The following PRDM2 variants were observed in gnomAD, a reference collection of about 807,000 sequenced individuals.
PRDM2 encodes the protein PR/SET domain 2.
PRDM2 carries 30 observed loss-of-function variants against 130.0 expected under a neutral mutation model. The observed-to-expected ratio is 0.23, with a 90% CI of 0.17 to 0.31. PRDM2 has a LOEUF of 0.31. Among genes scored for constraint, PRDM2 ranks in the 10% least tolerant of loss-of-function variants. The probability of loss-of-function intolerance (pLI) is 1.00; values close to 1 mark genes in which losing one functional copy is unlikely to be tolerated. For missense variants in PRDM2, 2,011 were observed against 2,108.4 expected, an observed-to-expected ratio of 0.95 and a Z score of 0.90; for synonymous variants, 871 against 782.4, an observed-to-expected ratio of 1.11 and a Z score of -1.89.
At position 13,779,458 on chromosome 1, in the gene PRDM2, A is replaced by T. The variant is rs763068985; in HGVS notation, c.1663A>T (p.Ile555Phe). ...EEEGEADDVY[I>F]MDISSNISEN... ...GGAAGGGGAAGCAGATGATGTGTAC[A>T]TCATGGACATTTCTAGCAATATCTC... Residue 555 changes from isoleucine (I) to phenylalanine (F), a missense_variant, in exon 8 of 10, where the codon ATC (isoleucine) becomes TTC (phenylalanine). Coordinates refer to ENST00000311066, the MANE Select transcript of PRDM2 (RefSeq NM_001393986.1). This position sits in a 1 kb window ranked among gnomAD's most constrained non-coding sequence, Gnocchi z 4.9. The T allele has an allele frequency of 6.2e-7, 1 of 1,614,208 alleles. No homozygotes were observed. Among genetic ancestry groups the T allele is most frequent in the Non-Finnish European group, 8.5e-7 (1 of 1,180,040 alleles).
intron 1 of PRDM2, among the ~76,000 whole-genome samples, chr1:13,706,714 A>G (rs928369965): frequency 2.0e-5 from 3 of 152,002 alleles, no homozygotes; most frequent in Non-Finnish European, 2.9e-5. Context: ...TTTTTAAATC[A>G]TAAATGGTTA....
intron 6 of PRDM2, among the ~76,000 whole-genome samples, chr1:13,762,427 C>T (rs1370170950): frequency 1.3e-5 from 2 of 152,208 alleles, no homozygotes; most frequent in East Asian, 1.9e-4. Context: ...AGCGTCAGCT[C>T]TTTGCAGGGA....
chr1:13,782,557 G>C lies in PRDM2; in HGVS notation c.4762G>C (p.Glu1588Gln), dbSNP rs780450962. 33 of 1,614,036 alleles carry C rather than the reference G, an allele frequency of 2.0e-5. No individual in the cohort carries two copies. Among genetic ancestry groups the C allele is most frequent in the Non-Finnish European group, 2.2e-5 (26 of 1,180,030 alleles). ...PIRMAKITHV[E>Q]GKKPKAVAKN... ...AAGAATGGCCAAAATAACTCATGTT[G>C]AGGGGAAAAAACCTAAAGCTGTGGC... Residue 1588 changes from glutamate to glutamine, a missense_variant, in exon 8 of 10, where the codon GAG becomes CAG. By Grantham distance (29) the Glu-to-Gln change is conservative. This residue lies in a region of PRDM2 where 410 missense variants were observed against 395.9 expected (regional missense o/e 1.04). Transcript: ENST00000311066.
intron 8 of PRDM2, chr1:13,786,889 A>G: frequency 9.7e-7 from 1 of 1,034,530 alleles, no homozygotes; most frequent in South Asian, 4.3e-5. Flanking sequence ...CTTGCAAAGC[A>G]AGTTGCCTGT....
At chr1:13,751,496 T>G (rs1643837907) in intron 6 of PRDM2, among the ~76,000 whole-genome samples, 2 of 152,046 alleles carry the variant, frequency 1.3e-5, no homozygotes, top group Admixed American at 1.3e-4. Flanking sequence ...TAAAACCAAT[T>G]TATAGCTTGC....
rs1445927213 is a variant in PRDM2 at position 13,819,350 on chromosome 1, A to C, written c.*23+2780A>C. Among the ~76,000 whole-genome samples, 5 of 152,298 alleles carry C rather than the reference A, an allele frequency of 3.3e-5. No homozygotes were observed. In the South Asian group the frequency reaches 1.0e-3, roughly 32 times the overall value. The stretch of plus-strand genomic sequence containing the variant: ...TGGCCTTCTTTTTCCTTCTTTAAAA[A>C]CATACAGTTTCCCAAGCGAAGCGAT... On this transcript the variant is annotated intron_variant, in intron 9 of 9. Transcript: ENST00000311066.
intron 8 of PRDM2, among the ~76,000 whole-genome samples, chr1:13,815,518 G>A (rs1645243566): frequency 6.6e-6 from 1 of 152,062 alleles, no homozygotes; most frequent in African/African-American, 2.4e-5. Flanking sequence ...CCTTATTCTG[G>A]GCTTTTAATT....
intron 6 of PRDM2, 135 bp downstream of exon 6, chr1:13,749,622 T>A: frequency 2.3e-6 from 1 of 439,486 alleles, no homozygotes; most frequent in Non-Finnish European, 3.0e-6. Context: ...GGCATCTCGG[T>A]GACCTTTTCC....
intron 2 of PRDM2, among the ~76,000 whole-genome samples, chr1:13,727,748 T>C (rs534456707): frequency 7.2e-5 from 11 of 152,326 alleles, no homozygotes; most frequent in East Asian, 1.9e-4. Flanking sequence ...TTTGGAAATA[T>C]AGAAATAAAT....
intron 8 of PRDM2, among the ~76,000 whole-genome samples, chr1:13,797,673 G>T (rs954154435): frequency 1.3e-5 from 2 of 152,072 alleles, no homozygotes; most frequent in East Asian, 3.8e-4. Context: ...GTGTGATGGG[G>T]CCCTAGTTTG....
rs1557605574 is a variant in PRDM2 at position 13,731,584 on chromosome 1, A to C, written c.127+467A>C. Reference sequence around the variant, plus strand: ...GCCTCCAGTACCAGATACTTTGTGGACCCTCAGTAGATACTTGAATGAATG... The same window carrying C: ...GCCTCCAGTACCAGATACTTTGTGGCCCCTCAGTAGATACTTGAATGAATG... On this transcript the variant is annotated intron_variant, in intron 3 of 9. Transcript: ENST00000311066. Among the ~76,000 whole-genome samples the C allele has an allele frequency of 2.6e-5, 4 of 152,172 alleles. No homozygotes were observed. In the East Asian group the frequency reaches 7.7e-4, roughly 29 times the overall value.
chr1:13,778,850 G>T lies in PRDM2; in HGVS notation c.1055G>T (p.Gly352Val). The T allele has an allele frequency of 6.2e-7, 1 of 1,614,188 alleles. No individual in the cohort carries two copies. The highest frequency in any genetic ancestry group is 2.2e-5 in the East Asian group (1 of 44,888). Residue 352 changes from glycine to valine, a missense_variant, in exon 8 of 10, where the codon GGT becomes GTT. This residue lies in a region of PRDM2 where 1,288 missense variants were observed against 1,237.7 expected (regional missense o/e 1.04). Coordinates refer to ENST00000311066, the MANE Select transcript of PRDM2 (RefSeq NM_001393986.1). ...CCCAGAACTAAAGAAGAGGCCAATG[G>T]TGATGTATTTGAAACGTTTATGTTT... ...QIPRTKEEAN[G>V]DVFETFMFPC...
intron 9 of PRDM2, among the ~76,000 whole-genome samples, chr1:13,821,077 A>G (rs1645342930): frequency 6.6e-6 from 1 of 151,750 alleles, no homozygotes; most frequent in African/African-American, 2.4e-5. Flanking sequence ...GAACATGCGT[A>G]GTGGTTAGGT....
intron 9 of PRDM2, among the ~76,000 whole-genome samples, chr1:13,816,806 A>G (rs1645265826): frequency 6.6e-6 from 1 of 152,214 alleles, no homozygotes; most frequent in Non-Finnish European, 1.5e-5. Flanking sequence ...CAAGTTACTT[A>G]GTCTTTCTGA....
At chr1:13,790,762 G>A (rs1209685680) in intron 8 of PRDM2, among the ~76,000 whole-genome samples, 1 of 152,082 alleles carries the variant, frequency 6.6e-6, no homozygotes, top group African/African-American at 2.4e-5. Flanking sequence ...ATGGATCTCT[G>A]TGCTGCAGTC....
chr1:13,819,492 G>A (rs1645312771), intron 9 of PRDM2, among the ~76,000 whole-genome samples: 1 of 152,230 alleles, frequency 6.6e-6, no homozygotes, highest in East Asian at 1.9e-4. Context: ...AAAATCTTCT[G>A]TAGCTTTTTT....
At chr1:13,787,368 C>T in intron 8 of PRDM2, 5 of 985,008 alleles carry the variant, frequency 5.1e-6, no homozygotes, top group Non-Finnish European at 6.0e-6. Context: ...ACAAATTGGC[C>T]TCTTCCTAAG....
At position 13,806,737 on chromosome 1, in the gene PRDM2, G is replaced by A. The variant is rs953694658; in HGVS notation, c.5037-9690G>A. 6.6e-6 allele frequency among the ~76,000 whole-genome samples: 1 copy of A among 152,060 alleles called. No individual in the cohort carries two copies. On this transcript the variant is annotated intron_variant, in intron 8 of 9. Transcript: ENST00000311066. This position sits in a 1 kb window ranked among gnomAD's most constrained non-coding sequence, Gnocchi z 4.1. ...CCCAGTTCCTTCCCTGTCAACCCAC[G>A]GTCTGTGCCCAGCACAGCAGCCACT... is the stretch of plus-strand genomic sequence containing the variant.
chr1:13,776,808 C>G (rs75884570), intron 7 of PRDM2, among the ~76,000 whole-genome samples: 1,568 of 152,242 alleles, frequency 0.01, 14 homozygotes, highest in Non-Finnish European at 0.015. Context: ...ACTGGCCTTT[C>G]CCCCAGCCTC....
Sources: allele counts gnomAD v4.1 joint callset (sites outside exome capture counted in the v4.1 genomes callset), GRCh38; gene constraint gnomAD v4.1.1; regional missense constraint gnomAD v4.1.1; non-coding constraint Gnocchi (gnomAD v3.1); transcripts MANE v1.5; gene names NCBI Gene and HGNC (gene_info 2026-07-23, HGNC 2026-07-21).